SETBP1: variants seen among roughly 807,000 people sequenced by gnomAD.
SETBP1 encodes the protein SET binding protein 1, also known as SET-binding protein.
A neutral mutation model predicts 101.0 loss-of-function variants in SETBP1; 9 were observed. The ratio of observed to expected loss-of-function variants is 0.09; its 90% CI spans 0.05 to 0.16. The LOEUF is 0.16. SETBP1 is among the 10% of genes least tolerant of loss of function. SETBP1 has a pLI of 1.00. For synonymous variants in SETBP1, 818 were observed against 788.5 expected, an observed-to-expected ratio of 1.04 and a Z score of -0.63; for missense variants, 1,858 against 2,033.8, an observed-to-expected ratio of 0.91 and a Z score of 1.66.
chr18:44,865,477 A>C lies in SETBP1; in HGVS notation c.487-3753A>C, dbSNP rs544378289. ...CCAACTGCCTCCCTCAGGCCCTGACACTAAGAATGGAACTCTTTTGCGATA... is the reference window on the plus strand; with the variant it reads ...CCAACTGCCTCCCTCAGGCCCTGACCCTAAGAATGGAACTCTTTTGCGATA... On this transcript the variant is annotated intron_variant, in intron 2 of 5. Transcript: ENST00000649279. Among the ~76,000 whole-genome samples the C allele has an allele frequency of 3.9e-5, 6 of 152,274 alleles. No homozygotes were observed. In the East Asian group the frequency reaches 1.2e-3, roughly 29 times the overall value.
chr18:44,959,653 G>A (rs1170478605), intron 4 of SETBP1, among the ~76,000 whole-genome samples: 1 of 152,136 alleles, frequency 6.6e-6, no homozygotes, highest in Non-Finnish European at 1.5e-5. Flanking sequence ...CACAGAGAAA[G>A]AGCAAGGGCT....
At chr18:44,706,522 A>T (rs2144234984) in intron 2 of SETBP1, among the ~76,000 whole-genome samples, 1 of 129,352 alleles carries the variant, frequency 7.7e-6, no homozygotes, top group African/African-American at 2.9e-5. Flanking sequence ...CAAGAGGTGG[A>T]GGTTGCAGTG....
At chr18:44,891,022 T>G (rs1599282727) in intron 3 of SETBP1, among the ~76,000 whole-genome samples, 1 of 152,144 alleles carries the variant, frequency 6.6e-6, no homozygotes, top group East Asian at 1.9e-4. Context: ...AGAAAGAAAG[T>G]TTTAATGGAT....
At chr18:45,048,942 G>A (rs1283330559) in intron 5 of SETBP1, among the ~76,000 whole-genome samples, 37 of 123,120 alleles carry the variant, frequency 3.0e-4, no homozygotes, top group South Asian at 2.7e-4. Flanking sequence ...ACTGCAGTCC[G>A]CAGTCCGGCC....
At chr18:44,891,176 T>C (rs1409676287) in intron 3 of SETBP1, among the ~76,000 whole-genome samples, 1 of 152,056 alleles carries the variant, frequency 6.6e-6, no homozygotes, top group African/African-American at 2.4e-5. Flanking sequence ...TAAGACTTAT[T>C]ACTATCACAA....
chr18:44,896,610 C>T (rs1188366755), intron 3 of SETBP1, among the ~76,000 whole-genome samples: 2 of 152,164 alleles, frequency 1.3e-5, no homozygotes, highest in Non-Finnish European at 2.9e-5. Flanking sequence ...CTGCCTCAGC[C>T]TCCTGAGTAG....
intron 3 of SETBP1, among the ~76,000 whole-genome samples, chr18:44,944,845 A>G (rs945370259): frequency 6.6e-6 from 1 of 151,912 alleles, no homozygotes; most frequent in African/African-American, 2.4e-5. Flanking sequence ...CTTGCAATAA[A>G]CTTTGCTTTA....
chr18:44,849,961 G>A (rs1891169296), intron 2 of SETBP1, among the ~76,000 whole-genome samples: 1 of 152,070 alleles, frequency 6.6e-6, no homozygotes, highest in Non-Finnish European at 1.5e-5. Flanking sequence ...CTTCCAACAT[G>A]ACATAGAACT....
rs577135646 is a variant in SETBP1 at position 44,850,926 on chromosome 18, A to T, written c.487-18304A>T. Among the ~76,000 whole-genome samples the T allele has an allele frequency of 2.6e-5, 4 of 152,284 alleles. No individual in the cohort carries two copies. The South Asian group carries it at 8.3e-4, about 32-fold the overall frequency. On this transcript the variant is annotated intron_variant, in intron 2 of 5. Transcript: ENST00000649279. ...CCAAGGAGAGTGCTTAGTTCTGGAG[A>T]CAGGTGCATACTCATAAATGCCTAT... is the stretch of plus-strand genomic sequence containing the variant.
chr18:44,859,277 GC>G (rs1674302895), intron 2 of SETBP1, among the ~76,000 whole-genome samples: 1 of 152,150 alleles, frequency 6.6e-6, no homozygotes, highest in Admixed American at 6.5e-5. Flanking sequence ...TACCTTAGAT[GC>G]CTATCTTGTG....
At chr18:44,772,807 A>G (rs554770618) in intron 2 of SETBP1, among the ~76,000 whole-genome samples, 3 of 152,308 alleles carry the variant, frequency 2.0e-5, no homozygotes, top group South Asian at 2.1e-4. Flanking sequence ...AGTAATCAAT[A>G]TAGAAATTCC....
At chr18:44,983,006 C>G (rs968740590) in intron 4 of SETBP1, among the ~76,000 whole-genome samples, 5 of 152,102 alleles carry the variant, frequency 3.3e-5, no homozygotes, top group Admixed American at 6.5e-5. Context: ...GGTATGTGGG[C>G]CCCCTGAGAA....
At chr18:44,948,986 AT>A (rs11395580) in intron 3 of SETBP1, among the ~76,000 whole-genome samples, 6 of 151,390 alleles carry the variant, frequency 4.0e-5, no homozygotes, top group Non-Finnish European at 7.4e-5. Context: ...AATGACAACT[AT>A]TTTTTTTTCC....
Position 44,904,859 on chromosome 18 carries a change from A to G in SETBP1, c.540+35576A>G, listed in dbSNP as rs190742530. Reference sequence around the variant, plus strand: ...CATGATAGAGCACTTTCATTCCTCTAAAGACTTAGGACTTGGTTGAAAAAA... The same window carrying G: ...CATGATAGAGCACTTTCATTCCTCTGAAGACTTAGGACTTGGTTGAAAAAA... On this transcript the variant is annotated intron_variant, in intron 3 of 5. Transcript: ENST00000649279. Among the ~76,000 whole-genome samples the G allele has an allele frequency of 5.3e-5, 8 of 152,304 alleles. No homozygotes were observed. The East Asian group carries it at 1.4e-3, about 26-fold the overall frequency.
chr18:45,038,447 T>C (rs568429586), intron 4 of SETBP1, 38 bp from the exon 5 acceptor site: 2 of 1,605,286 alleles, frequency 1.2e-6, no homozygotes, highest in South Asian at 1.1e-5. Flanking sequence ...TCCTGTTCCC[T>C]TAAAGTGACT....
At chr18:44,821,833 G>A (rs1835877014) in intron 2 of SETBP1, among the ~76,000 whole-genome samples, 1 of 152,206 alleles carries the variant, frequency 6.6e-6, no homozygotes, top group Non-Finnish European at 1.5e-5. Context: ...GTTTAGCAAG[G>A]ACCTGGGTCT....
chr18:44,898,664 G>A (rs749760204), intron 3 of SETBP1, among the ~76,000 whole-genome samples: 3 of 152,084 alleles, frequency 2.0e-5, no homozygotes, highest in Non-Finnish European at 4.4e-5. Flanking sequence ...GTACAGTCTT[G>A]CCAAGCAGAG....
chr18:44,799,255 A>G (rs1354811573), intron 2 of SETBP1, among the ~76,000 whole-genome samples: 1 of 152,150 alleles, frequency 6.6e-6, no homozygotes, highest in Admixed American at 6.5e-5. Context: ...GTAAGAGTGG[A>G]CAGGGCCTTT....
chr18:45,002,396 T>C (rs2072635850), intron 4 of SETBP1, among the ~76,000 whole-genome samples: 1 of 151,880 alleles, frequency 6.6e-6, no homozygotes, highest in Admixed American at 6.6e-5. Flanking sequence ...CACATGGTCC[T>C]GTTTTTACAA....
Sources: allele counts gnomAD v4.1 joint callset (sites outside exome capture counted in the v4.1 genomes callset), GRCh38; gene constraint gnomAD v4.1.1; transcripts MANE v1.5; gene names NCBI Gene and HGNC (gene_info 2026-07-23, HGNC 2026-07-21).